IFNGR2: variants seen among roughly 807,000 people sequenced by gnomAD.
IFNGR2 encodes IFN-gamma receptor 2.
Under a neutral mutation model 41.1 loss-of-function variants are expected in IFNGR2, and 15 were observed. The observed-to-expected ratio is 0.37, with a 90% confidence interval of 0.24 to 0.56. The LOEUF (loss-of-function observed/expected upper bound fraction) is 0.56, where lower values mean the gene tolerates loss of function less well. Ranked by LOEUF, IFNGR2 falls within the 20% of genes least tolerant of loss-of-function variation. The pLI is 0.81. For missense variants in IFNGR2, 362 were observed against 415.7 expected (o/e 0.87, Z 1.12); for synonymous variants, 161 against 171.6 (o/e 0.94, Z 0.48).
rs146481328 is a variant in IFNGR2, at chr21:33,426,777, C to CTA, written c.413-92_413-91dup. ...ACGTGTGTGTATATATCTACACCCA[C>CTA]TATATATATATATATACATATATAT... On this transcript the variant is annotated intron_variant, in intron 3 of 6. Coordinates refer to ENST00000290219, the MANE Select transcript of IFNGR2 (RefSeq NM_005534.4). The CTA allele has an allele frequency of 0.12, 60,249 of 506,660 alleles. 2,763 individuals carry two copies. Among genetic ancestry groups the CTA allele is most frequent in the African/African-American group, 0.3 (14,233 of 47,498 alleles). The allele number at this position is 506,660 out of a possible 1,614,324, so 31.4% of individuals were successfully genotyped here. A position where few individuals can be genotyped will look rare whatever the true frequency, so the allele number is the denominator to read the frequency against.
Position 33,432,122 on chromosome 21 carries a change from G to A in IFNGR2, c.562-55G>A. On this transcript the variant is annotated intron_variant, in intron 4 of 6. Transcript: ENST00000290219. ...AATTTGAGGAAACATCAGAAAAGAT[G>A]TAGGCAGCTTGGCCATGTTCATTTA... 4 of 1,498,800 alleles carry A rather than the reference G, an allele frequency of 2.7e-6. No homozygotes were observed. In the South Asian group the frequency reaches 3.4e-5, roughly 13 times the overall value. 92.8% of individuals were successfully genotyped at this position (1,498,800 alleles called of 1,614,324 possible). A position where few individuals can be genotyped will look rare whatever the true frequency, so the allele number is the denominator to read the frequency against.
intron 6 of IFNGR2, among the ~76,000 whole-genome samples, chr21:33,434,206 C>T (rs1049965515): frequency 7.2e-5 from 11 of 152,070 alleles, no homozygotes; most frequent in East Asian, 1.9e-4. Context: ...GGATCAGAGG[C>T]GAGCTGAGAG....
At chr21:33,426,792 T>TAC (rs987257772) in intron 3 of IFNGR2, 92 bp from the exon 4 acceptor site, 93 of 664,214 alleles carry the variant, frequency 1.4e-4, no homozygotes, top group Admixed American at 5.1e-4. Flanking sequence ...TATATATATA[T>TAC]ACATATATAT....
At chr21:33,404,133 A>T (rs2083661081) in intron 1 of IFNGR2, among the ~76,000 whole-genome samples, 1 of 152,248 alleles carries the variant, frequency 6.6e-6, no homozygotes, top group African/African-American at 2.4e-5. Context: ...TTTGCTGGCC[A>T]CTGGTTCTGC....
At chr21:33,436,708 A>C in intron 6 of IFNGR2, 120 bp from the exon 7 acceptor site, 1 of 760,454 alleles carries the variant, frequency 1.3e-6, no homozygotes, top group South Asian at 1.8e-5. Flanking sequence ...GGCAAGAGTA[A>C]GACTCCATCT....
intron 4 of IFNGR2, among the ~76,000 whole-genome samples, chr21:33,431,036 GGCA>G (rs2083881601): frequency 6.6e-6 from 1 of 152,168 alleles, no homozygotes; most frequent in African/African-American, 2.4e-5. Flanking sequence ...CAGGTGGGGA[GGCA>G]GCAAGGCCTG....
intron 1 of IFNGR2, among the ~76,000 whole-genome samples, chr21:33,407,850 C>CA (rs1359968195): frequency 1.4e-5 from 2 of 143,462 alleles, no homozygotes; most frequent in Admixed American, 1.4e-4. Flanking sequence ...CACCGCACCC[C>CA]CCCCCGCCAA....
At chr21:33,433,601 G>C (rs893111724) in intron 6 of IFNGR2, among the ~76,000 whole-genome samples, 1 of 152,086 alleles carries the variant, frequency 6.6e-6, no homozygotes, top group Non-Finnish European at 1.5e-5. Context: ...GGTTGCGGTG[G>C]TGGAGGGAGG....
At chr21:33,432,060 G>A (rs958817708) in intron 4 of IFNGR2, 117 bp from the exon 5 acceptor site, 1 of 947,110 alleles carries the variant, frequency 1.1e-6, no homozygotes, top group African/African-American at 1.6e-5. Context: ...CACTAAAAAT[G>A]GCATCTTGTT....
intron 4 of IFNGR2, among the ~76,000 whole-genome samples, 197 bp downstream of exon 4, chr21:33,427,229 C>T (rs1051609529): frequency 3.3e-5 from 5 of 152,154 alleles, no homozygotes; most frequent in Admixed American, 6.6e-5. Context: ...GACCTCCCTC[C>T]GCCAGGCTGA....
intron 1 of IFNGR2, among the ~76,000 whole-genome samples, chr21:33,404,929 C>T (rs1159633616): frequency 6.6e-6 from 1 of 152,108 alleles, no homozygotes; most frequent in South Asian, 2.1e-4. Context: ...TCGAGACCAG[C>T]TTGACCAACA....
chr21:33,410,162 A>G (rs750223751), intron 1 of IFNGR2, among the ~76,000 whole-genome samples: 18 of 144,256 alleles, frequency 1.2e-4, no homozygotes, highest in Non-Finnish European at 2.1e-4. Flanking sequence ...TCTTAATTAC[A>G]ATAATTTTTT....
chr21:33,421,120 T>G (rs1042630717), intron 2 of IFNGR2, among the ~76,000 whole-genome samples: 2 of 151,584 alleles, frequency 1.3e-5, no homozygotes, highest in African/African-American at 4.9e-5. Flanking sequence ...TCACTTGAGG[T>G]CAGGAGTTTG....
chr21:33,423,634 C>T (rs2083813162), intron 3 of IFNGR2, among the ~76,000 whole-genome samples: 1 of 151,800 alleles, frequency 6.6e-6, no homozygotes, highest in Non-Finnish European at 1.5e-5. Context: ...TAACTCCTGA[C>T]CTCGTGATCC....
chr21:33,426,920 C>A lies in IFNGR2; in HGVS notation c.449C>A (p.Pro150Gln). 6.2e-7 allele frequency: 1 copy of A among 1,613,560 alleles called. No individual in the cohort carries two copies. The change falls in exon 4 of 7, where the codon CCA (proline) becomes CAA (glutamine). Residue 150 changes from proline to glutamine, a missense_variant. Pro to Gln is a moderately conservative substitution (Grantham distance 76). Transcript: ENST00000290219. Reference protein sequence around the residue: ...VGPPENIEVTPGEGSLIIRFS... With the variant: ...VGPPENIEVTQGEGSLIIRFS... ...CCTCCAGAAAACATTGAGGTGACCC[C>A]AGGAGAAGGCTCCCTCATCATCAGG...
chr21:33,430,702 C>G (rs2083878484), intron 4 of IFNGR2, among the ~76,000 whole-genome samples: 1 of 152,196 alleles, frequency 6.6e-6, no homozygotes, highest in Non-Finnish European at 1.5e-5. Context: ...ATCCTCCCAC[C>G]TCAGCCTCCC....
At chr21:33,426,211 G>C (rs1262245516) in intron 3 of IFNGR2, among the ~76,000 whole-genome samples, 1 of 152,156 alleles carries the variant, frequency 6.6e-6, no homozygotes, top group Admixed American at 6.5e-5. Context: ...TCAGGAGTTT[G>C]AAACCAGCCT....
intron 4 of IFNGR2, among the ~76,000 whole-genome samples, chr21:33,429,342 C>T (rs1005492473): frequency 4.9e-3 from 10 of 2,030 alleles, no homozygotes; most frequent in Admixed American, 0.037. Flanking sequence ...CAGAGTCACA[C>T]TCTGATTTCG....
chr21:33,408,113 A>T (rs925858051), intron 1 of IFNGR2, among the ~76,000 whole-genome samples: 13 of 152,102 alleles, frequency 8.5e-5, no homozygotes, highest in Non-Finnish European at 1.3e-4. Flanking sequence ...TAAATGATTA[A>T]TGTTAATTAT....
Sources: allele counts gnomAD v4.1 joint callset (sites outside exome capture counted in the v4.1 genomes callset), GRCh38; gene constraint gnomAD v4.1.1; transcripts MANE v1.5; gene names NCBI Gene and HGNC (gene_info 2026-07-23, HGNC 2026-07-21).